Variants in NTM observed in about 807,000 individuals in gnomAD.
The protein encoded by NTM is IgLON family member 2.
In NTM, 13 loss-of-function variants were observed where a neutral mutation model predicts 42.1. The observed-to-expected ratio is 0.31, with a 90% CI of 0.20 to 0.49. NTM has a LOEUF of 0.49. NTM is among the 20% of genes least tolerant of loss of function. NTM has a pLI of 0.99. For missense variants in NTM, 373 were observed against 452.8 expected, an observed-to-expected ratio of 0.82 and a Z score of 1.60; for synonymous variants, 187 against 179.2, an observed-to-expected ratio of 1.04 and a Z score of -0.35.
chr11:132,182,593 T>G (rs570897474), intron 3 of NTM, among the ~76,000 whole-genome samples: 26 of 152,236 alleles, frequency 1.7e-4, no homozygotes, highest in African/African-American at 5.8e-4. Flanking sequence ...TGGAAAGTAA[T>G]AATGAGGGGT....
At chr11:131,492,476 C>T (rs1392933861) in intron 1 of NTM, among the ~76,000 whole-genome samples, 2 of 152,038 alleles carry the variant, frequency 1.3e-5, no homozygotes, top group Admixed American at 6.6e-5. Context: ...TGTTATTATC[C>T]CAATGTTACC....
At chr11:131,869,560 A>C (rs2047567340) in intron 1 of NTM, among the ~76,000 whole-genome samples, 1 of 152,246 alleles carries the variant, frequency 6.6e-6, no homozygotes, top group Non-Finnish European at 1.5e-5. Flanking sequence ...CAGATGGCTT[A>C]GTCGATGCCA....
intron 2 of NTM, among the ~76,000 whole-genome samples, chr11:132,110,402 G>A (rs923868648): frequency 5.3e-5 from 8 of 152,164 alleles, no homozygotes; most frequent in Non-Finnish European, 1.2e-4. Context: ...TTGCCTCTCC[G>A]GAGAACTGAA....
chr11:131,911,204 C>T (rs1020945877), intron 1 of NTM: 3 of 1,378,200 alleles, frequency 2.2e-6, no homozygotes, highest in Non-Finnish European at 2.8e-6. Flanking sequence ...TCCCCCTCCT[C>T]GGCCACCTTC....
chr11:131,513,771 A>G (rs1222168638), intron 1 of NTM, among the ~76,000 whole-genome samples: 1 of 152,152 alleles, frequency 6.6e-6, no homozygotes, highest in Non-Finnish European at 1.5e-5. Flanking sequence ...AATATTTATA[A>G]GTATTGTTGT....
At chr11:132,200,281 G>A (rs557850056) in intron 3 of NTM, among the ~76,000 whole-genome samples, 1 of 152,282 alleles carries the variant, frequency 6.6e-6, no homozygotes, top group South Asian at 2.1e-4. Flanking sequence ...CAGCTGCCTA[G>A]TTATTCCCTA....
At chr11:131,723,840 G>A (rs576513267) in intron 1 of NTM, among the ~76,000 whole-genome samples, 4 of 152,250 alleles carry the variant, frequency 2.6e-5, no homozygotes, top group Non-Finnish European at 5.9e-5. Context: ...GTGTGTGTGT[G>A]TGCATGAGAA....
intron 4 of NTM, among the ~76,000 whole-genome samples, chr11:132,297,834 G>A (rs1413045825): frequency 6.6e-6 from 1 of 152,122 alleles, no homozygotes; most frequent in African/African-American, 2.4e-5. Flanking sequence ...ATCCTTTTCA[G>A]AGAGCTGTAG....
At chr11:131,915,389 G>GCT (rs1052013742) in intron 2 of NTM, among the ~76,000 whole-genome samples, 1 of 152,174 alleles carries the variant, frequency 6.6e-6, no homozygotes, top group Non-Finnish European at 1.5e-5. Flanking sequence ...GGGCTGCAGA[G>GCT]CACCTCTTGG....
At chr11:131,531,023 G>A (rs1004434306) in intron 1 of NTM, among the ~76,000 whole-genome samples, 2 of 152,156 alleles carry the variant, frequency 1.3e-5, no homozygotes, top group Admixed American at 6.5e-5. Context: ...CACGAGCAAC[G>A]GCTTCTCTGG....
At chr11:131,812,173 A>T (rs1009823786) in intron 1 of NTM, among the ~76,000 whole-genome samples, 9 of 143,890 alleles carry the variant, frequency 6.3e-5, no homozygotes, top group Non-Finnish European at 1.3e-4. Context: ...TCAGAAAGAT[A>T]ATTAGTCAGC....
intron 1 of NTM, among the ~76,000 whole-genome samples, chr11:131,542,059 G>A (rs1401180122): frequency 6.6e-6 from 1 of 152,180 alleles, no homozygotes; most frequent in Admixed American, 6.6e-5. Context: ...ACCAGATCTA[G>A]AGGGTTAGAG....
At chr11:131,812,289 G>T (rs1046241376) in intron 1 of NTM, among the ~76,000 whole-genome samples, 2 of 151,390 alleles carry the variant, frequency 1.3e-5, no homozygotes, top group African/African-American at 4.9e-5. Flanking sequence ...TCATATGTGG[G>T]CTAATGTCTG....
At chr11:131,975,538 GA>G (rs1282705114) in intron 2 of NTM, among the ~76,000 whole-genome samples, 1 of 147,018 alleles carries the variant, frequency 6.8e-6, no homozygotes, top group African/African-American at 2.5e-5. Context: ...AATGTTAGGG[GA>G]GGGGGGAAAA....
At chr11:131,820,055 ACTTTT>A (rs1213426979) in intron 1 of NTM, among the ~76,000 whole-genome samples, 1 of 152,138 alleles carries the variant, frequency 6.6e-6, no homozygotes, top group African/African-American at 2.4e-5. Context: ...TGCATCTCTC[ACTTTT>A]CTTATTAACT....
In NTM at chr11:131,888,134, C is replaced by G. The variant is rs566409697; in HGVS notation, c.83-23430C>G. ...TGATTAATATGGTGAAACCCTGTCT[C>G]TACTAAAAATACAAAACTTAGCCAA... On this transcript the variant is annotated intron_variant, in intron 1 of 8. Coordinates refer to ENST00000683400, the MANE Select transcript of NTM (RefSeq NM_001352005.2). Among the ~76,000 whole-genome samples, 238 of 152,224 alleles carry G rather than the reference C, an allele frequency of 1.6e-3. 1 individual carries two copies. The highest frequency in any genetic ancestry group is 5.5e-3 in the African/African-American group (229 of 41,542).
At chr11:132,221,308 T>C (rs918980553) in intron 4 of NTM, among the ~76,000 whole-genome samples, 1 of 152,174 alleles carries the variant, frequency 6.6e-6, no homozygotes, top group Non-Finnish European at 1.5e-5. Context: ...CATAGTAATA[T>C]CTATTCTTCA....
intron 2 of NTM, among the ~76,000 whole-genome samples, chr11:131,960,137 A>G (rs2134487352): frequency 6.6e-6 from 1 of 152,316 alleles, no homozygotes; most frequent in Non-Finnish European, 1.5e-5. Flanking sequence ...CGTAAAAGTC[A>G]CAGGGTGTTC....
intron 2 of NTM, among the ~76,000 whole-genome samples, chr11:132,058,106 G>A (rs976483350): frequency 1.3e-5 from 2 of 152,032 alleles, no homozygotes; most frequent in South Asian, 4.2e-4. Context: ...TGTCTGTTGA[G>A]CCTCTTTTAT....
Sources: gnomAD v4.1 joint callset for allele counts (sites outside exome capture counted in the v4.1 genomes callset) on GRCh38, gnomAD v4.1.1 for gene constraint, MANE v1.5 for transcripts, NCBI Gene and HGNC (gene_info 2026-07-23, HGNC 2026-07-21) for gene names.